The following RANBP2 variants were observed in gnomAD, a reference collection of about 807,000 sequenced individuals.
RANBP2 encodes the protein E3 SUMO-protein ligase RanBP2.
Under a neutral mutation model 303.6 loss-of-function variants are expected in RANBP2, and 57 were observed. The ratio of observed to expected loss-of-function variants is 0.19; its 90% CI spans 0.15 to 0.23. The LOEUF (loss-of-function observed/expected upper bound fraction) is 0.23. RANBP2 is among the 10% of genes least tolerant of loss of function. RANBP2 has a pLI of 1.00. For synonymous variants in RANBP2, 1,167 were observed against 1,301.5 expected, an observed-to-expected ratio of 0.90 and a Z score of 2.23; for missense variants, 3,138 against 3,780.8, an observed-to-expected ratio of 0.83 and a Z score of 4.46.
At chr2:108,756,050 A>T (rs1200610261) in intron 17 of RANBP2, among the ~76,000 whole-genome samples, 3 of 152,128 alleles carry the variant, frequency 2.0e-5, no homozygotes, top group Non-Finnish European at 4.4e-5. Flanking sequence ...AAAGTACTTT[A>T]TGTGTCTCTC....
the RANBP2 span, among the ~76,000 whole-genome samples, chr2:109,672,145 G>A: frequency 1.2e-4 from 19 of 152,292 alleles, no homozygotes; most frequent in African/African-American, 4.1e-4. Context: ...TTTTAGAGAT[G>A]AGGAAAAAAA....
chr2:109,428,301 C>T, the RANBP2 span, among the ~76,000 whole-genome samples: 34 of 152,388 alleles, frequency 2.2e-4, no homozygotes, highest in African/African-American at 7.0e-4. Flanking sequence ...TTGGTTTACT[C>T]TGATTAGAGC....
At chr2:109,355,098 TG>T in the RANBP2 span, among the ~76,000 whole-genome samples, 1 of 152,184 alleles carries the variant, frequency 6.6e-6, no homozygotes, top group African/African-American at 2.4e-5. Context: ...CACTGCCATA[TG>T]GTAACGGCAT....
At chr2:109,684,624 C>G in the RANBP2 span, among the ~76,000 whole-genome samples, 1 of 150,302 alleles carries the variant, frequency 6.7e-6, no homozygotes, top group African/African-American at 2.5e-5. Flanking sequence ...GCCTCTGTCT[C>G]CCGGGTTCCA....
Position 108,782,556 on chromosome 2 carries a change from A to C in RANBP2, c.9063A>C (p.Ala3021=). The change falls in exon 28 of 29, where the codon GCA becomes GCC. Residue 3021 remains alanine (A), a synonymous_variant. Coordinates refer to ENST00000283195, the MANE Select transcript of RANBP2 (RefSeq NM_006267.5). Reference sequence around the variant, plus strand: ...GAGAAGCAAAAGTAGAACAGCTTGCAGTGAGATTTAAAACTAAAGAAGTAG... The same window carrying C: ...GAGAAGCAAAAGTAGAACAGCTTGCCGTGAGATTTAAAACTAAAGAAGTAG... ...ADGEAKVEQL[A]VRFKTKEVAD... 6 of 1,614,226 alleles carry C rather than the reference A, an allele frequency of 3.7e-6. No individual in the cohort carries two copies. The highest frequency in any genetic ancestry group is 5.1e-6 in the Non-Finnish European group (6 of 1,180,036).
At chr2:108,968,078 G>A in the RANBP2 span, among the ~76,000 whole-genome samples, 6 of 152,192 alleles carry the variant, frequency 3.9e-5, no homozygotes, top group Admixed American at 2.0e-4. Flanking sequence ...CAGGCCCTGG[G>A]ATGGAGCTGA....
At chr2:108,991,610 A>C in the RANBP2 span, among the ~76,000 whole-genome samples, 3 of 152,218 alleles carry the variant, frequency 2.0e-5, no homozygotes, top group Admixed American at 6.5e-5. Flanking sequence ...CAGGAGTCTT[A>C]TGGAGGGGCA....
chr2:109,175,062 A>G, the RANBP2 span, among the ~76,000 whole-genome samples: 148 of 151,742 alleles, frequency 9.8e-4, no homozygotes, highest in African/African-American at 3.2e-3. Context: ...GCAAAATCCC[A>G]TATTTAAATG....
intron 6 of RANBP2, 64 bp from the exon 7 acceptor site, chr2:108,740,421 TTAAA>T (rs1369097983): frequency 1.3e-5 from 20 of 1,592,354 alleles, no homozygotes; most frequent in African/African-American, 8.0e-5. Context: ...TTGTTTTGAA[TTAAA>T]TAAACCATGA....
the RANBP2 span, among the ~76,000 whole-genome samples, chr2:108,996,048 T>A: frequency 1.3e-5 from 2 of 152,246 alleles, no homozygotes; most frequent in African/African-American, 4.8e-5. Context: ...GTCTGCTTTA[T>A]GGCAATTTTA....
chr2:109,082,402 A>G, the RANBP2 span, among the ~76,000 whole-genome samples: 3 of 151,632 alleles, frequency 2.0e-5, no homozygotes, highest in African/African-American at 4.8e-5. Flanking sequence ...CCGGGTTCAC[A>G]CCATTCTCCT....
chr2:108,812,718 C>T, the RANBP2 span: 2 of 1,606,218 alleles, frequency 1.2e-6, no homozygotes, highest in Non-Finnish European at 1.7e-6. Context: ...GGTAAGTTGC[C>T]TGTTCTTCTC....
At chr2:109,213,062 G>C in the RANBP2 span, among the ~76,000 whole-genome samples, 2 of 152,238 alleles carry the variant, frequency 1.3e-5, no homozygotes, top group African/African-American at 2.4e-5. Context: ...GCAGTCCTGG[G>C]AAGGCTCGGA....
At chr2:109,541,682 C>T in the RANBP2 span, among the ~76,000 whole-genome samples, 1 of 152,230 alleles carries the variant, frequency 6.6e-6, no homozygotes, top group Admixed American at 6.5e-5. Context: ...GTGCACACAA[C>T]ATGCTGTGCC....
At chr2:109,474,581 C>G in the RANBP2 span, among the ~76,000 whole-genome samples, 1 of 152,224 alleles carries the variant, frequency 6.6e-6, no homozygotes, top group Non-Finnish European at 1.5e-5. Flanking sequence ...GGCACAGTGT[C>G]CCTGCTTCAG....
At chr2:109,451,758 A>C in the RANBP2 span, among the ~76,000 whole-genome samples, 1 of 152,270 alleles carries the variant, frequency 6.6e-6, no homozygotes, top group Non-Finnish European at 1.5e-5. Flanking sequence ...GAAAGGCGAC[A>C]TGCAGGGACG....
At chr2:109,449,908 T>C in the RANBP2 span, among the ~76,000 whole-genome samples, 1 of 152,250 alleles carries the variant, frequency 6.6e-6, no homozygotes, top group Non-Finnish European at 1.5e-5. Flanking sequence ...CTTCAATATG[T>C]CATCCTTGTG....
At chr2:109,106,693 C>T in the RANBP2 span, among the ~76,000 whole-genome samples, 12 of 151,896 alleles carry the variant, frequency 7.9e-5, no homozygotes, top group Middle Eastern at 0.01. Flanking sequence ...AAAAATTAGC[C>T]GGGCATGGTG....
the RANBP2 span, among the ~76,000 whole-genome samples, chr2:108,987,766 A>G: frequency 6.6e-6 from 1 of 152,210 alleles, no homozygotes; most frequent in Admixed American, 6.5e-5. Flanking sequence ...TGAAGGGTAC[A>G]CGTGGACTGT....
Sources: allele counts gnomAD v4.1 joint callset (sites outside exome capture counted in the v4.1 genomes callset), GRCh38; gene constraint gnomAD v4.1.1; transcripts MANE v1.5; gene names NCBI Gene and HGNC (gene_info 2026-07-23, HGNC 2026-07-21).